HIPK2: variants seen among roughly 807,000 people sequenced by gnomAD.
The protein encoded by HIPK2 is homeodomain interacting protein kinase 2, also known as homeodomain-interacting protein kinase 2.
HIPK2 carries 27 observed loss-of-function variants against 113.7 expected under a neutral mutation model. That is an observed-to-expected ratio of 0.24 (90% confidence interval 0.17 to 0.33). The LOEUF is 0.33. Among genes scored for constraint, HIPK2 ranks in the 10% least tolerant of loss-of-function variants. The pLI is 1.00. For missense variants in HIPK2, 1,257 were observed against 1,588.0 expected (o/e 0.79, Z 3.54); for synonymous variants, 631 against 642.2 (o/e 0.98, Z 0.26).
chr7:139,609,502 A>G (rs1799739775), intron 9 of HIPK2, among the ~76,000 whole-genome samples: 3 of 152,242 alleles, frequency 2.0e-5, no homozygotes, highest in Admixed American at 2.0e-4. Context: ...CAGTATTTAG[A>G]GAAAAAGAAC....
chr7:139,732,089 T>G (rs1274087315), intron 1 of HIPK2, among the ~76,000 whole-genome samples: 1 of 152,208 alleles, frequency 6.6e-6, no homozygotes, highest in African/African-American at 2.4e-5. Context: ...GAAATTATAT[T>G]GGAGCACACT....
In HIPK2 at chr7:139,567,519, T is replaced by A. The variant is rs1335200000; in HGVS notation, c.*5408A>T. 1 of 152,118 alleles carries A rather than the reference T, an allele frequency of 6.6e-6. No individual in the cohort carries two copies. The highest frequency in any genetic ancestry group is 1.5e-5 in the Non-Finnish European group (1 of 68,028). 9.4% of individuals were successfully genotyped at this position (152,118 alleles called of 1,614,324 possible). The stretch of plus-strand genomic sequence containing the variant: ...GCCATTTTGTCCATTTCTGGAGGCG[T>A]CTTTGAGAAGGGTTCTTTGGCTAAA... On this transcript the variant is annotated 3_prime_UTR_variant, in exon 15 of 15. Coordinates refer to ENST00000406875, the MANE Select transcript of HIPK2 (RefSeq NM_022740.5).
Position 139,713,390 on chromosome 7 carries a change from C to A in HIPK2, c.1103+2542G>T, listed in dbSNP as rs149845109. Among the ~76,000 whole-genome samples the A allele has an allele frequency of 1.2e-3, 184 of 152,226 alleles. 1 individual carries two copies. The highest frequency in any genetic ancestry group is 4.2e-3 in the African/African-American group (175 of 41,530). ...CCGATTTTGCGACCTGTCTCCTCAG[C>A]ACTAGGGGCACCAGCACCAGGCAGG... On this transcript the variant is annotated intron_variant, in intron 2 of 14. Transcript: ENST00000406875.
Position 139,710,488 on chromosome 7 carries a change from T to C in HIPK2, c.1103+5444A>G, listed in dbSNP as rs145380749. Among the ~76,000 whole-genome samples, 459 of 152,344 alleles carry C rather than the reference T, an allele frequency of 3.0e-3. 2 individuals carry two copies. Among genetic ancestry groups the C allele is most frequent in the African/African-American group, 0.01 (435 of 41,580 alleles). On this transcript the variant is annotated intron_variant, in intron 2 of 14. Transcript: ENST00000406875. Reference sequence around the variant, plus strand: ...AGGTAGGTTCACAATAAATCTCTGTTGAATGACCAAACATTTAAAATATTG... The same window carrying C: ...AGGTAGGTTCACAATAAATCTCTGTCGAATGACCAAACATTTAAAATATTG...
intron 2 of HIPK2, among the ~76,000 whole-genome samples, chr7:139,699,084 T>C (rs1382295512): frequency 1.3e-5 from 2 of 151,882 alleles, no homozygotes; most frequent in African/African-American, 4.8e-5. Context: ...ACAACCTGCT[T>C]GACTGAGGGC....
In HIPK2 at chr7:139,564,207, C is replaced by A. The variant is rs946779669; in HGVS notation, c.*8720G>T. The A allele has an allele frequency of 2.9e-6, 1 of 348,460 alleles. No homozygotes were observed. The highest frequency in any genetic ancestry group is 5.1e-6 in the Non-Finnish European group (1 of 195,510). 21.6% of individuals were successfully genotyped at this position (348,460 alleles called of 1,614,324 possible). On this transcript the variant is annotated 3_prime_UTR_variant, in exon 15 of 15. Transcript: ENST00000406875. Reference sequence around the variant, plus strand: ...ATTGATTTTGCTTTTAAGGGGAAAACGAATAAATGACAGCAGATATATGGA... The same window carrying A: ...ATTGATTTTGCTTTTAAGGGGAAAAAGAATAAATGACAGCAGATATATGGA...
intron 1 of HIPK2, among the ~76,000 whole-genome samples, chr7:139,763,467 AACACGCCCCCCCCCCC>A (rs894084281): frequency 3.7e-4 from 48 of 129,544 alleles, no homozygotes; most frequent in Non-Finnish European, 9.6e-5. Context: ...ATTTTGCCGG[AACACGCCCCCCCCCCC>A]ACACGCCCCT....
In HIPK2 at chr7:139,613,075, T is replaced by C; in HGVS notation, c.2112+127A>G. ...TGGGGACCATTTAGAATATTACAGA[T>C]ACATTCCAATGACTAGAAGCACCTA... On this transcript the variant is annotated intron_variant, in intron 9 of 14. Transcript: ENST00000406875. This position sits in a 1 kb window ranked among gnomAD's most constrained non-coding sequence, Gnocchi z 4.2. 8.9e-7 allele frequency: 1 copy of C among 1,126,546 alleles called. No homozygotes were observed. Among genetic ancestry groups the C allele is most frequent in the Non-Finnish European group, 1.2e-6 (1 of 802,466 alleles). 69.8% of individuals were successfully genotyped at this position (1,126,546 alleles called of 1,614,324 possible).
In HIPK2 at chr7:139,716,870, C is replaced by T. The variant is rs779868854; in HGVS notation, c.165G>A (p.Lys55=). ...TGGCTGGCTGCGACAGGGGGATGTTCTTGCTCTGGCTATACACTTTGCTGT... is the reference window on the plus strand; with the variant it reads ...TGGCTGGCTGCGACAGGGGGATGTTTTTGCTCTGGCTATACACTTTGCTGT... ...GSHSKVYSQS[K]NIPLSQPATT... is the part of the protein sequence containing the mutation. The change falls in exon 2 of 15, where the codon AAG becomes AAA. Residue 55 remains lysine (K), a synonymous_variant. Coordinates refer to ENST00000406875, the MANE Select transcript of HIPK2 (RefSeq NM_022740.5). The surrounding 1 kb of genome is among the most constrained non-coding windows in gnomAD (Gnocchi z 9.3). 1.2e-6 allele frequency: 2 copies of T among 1,613,850 alleles called. No individual in the cohort carries two copies. The highest frequency in any genetic ancestry group is 1.7e-5 in the Admixed American group (1 of 60,002).
rs1798002712 is a variant in HIPK2, at chr7:139,563,410, G to C, written c.*9517C>G. On this transcript the variant is annotated 3_prime_UTR_variant, in exon 15 of 15. Coordinates refer to ENST00000406875, the MANE Select transcript of HIPK2 (RefSeq NM_022740.5). ...CAGTGGTGACAGCAGGGTGGAGGCAGAGGTGGCCCCGGGGACAGTGACCCT... is the reference window on the plus strand; with the variant it reads ...CAGTGGTGACAGCAGGGTGGAGGCACAGGTGGCCCCGGGGACAGTGACCCT... 1 of 153,666 alleles carries C rather than the reference G, an allele frequency of 6.5e-6. No individual in the cohort carries two copies. Among genetic ancestry groups the C allele is most frequent in the African/African-American group, 2.4e-5 (1 of 41,468 alleles). The allele number at this position is 153,666 out of a possible 1,614,324, so 9.5% of individuals were successfully genotyped here. A position where few individuals can be genotyped will look rare whatever the true frequency, so the allele number is the denominator to read the frequency against.
intron 2 of HIPK2, among the ~76,000 whole-genome samples, chr7:139,668,452 C>T (rs1802136496): frequency 6.6e-6 from 1 of 151,594 alleles, no homozygotes; most frequent in South Asian, 2.1e-4. Flanking sequence ...GTTCCAGCTA[C>T]TCGGGAGGCT....
chr7:139,613,114 G>T lies in HIPK2; in HGVS notation c.2112+88C>A. 1 of 1,494,562 alleles carries T rather than the reference G, an allele frequency of 6.7e-7. No individual in the cohort carries two copies. Among genetic ancestry groups the T allele is most frequent in the South Asian group, 1.2e-5 (1 of 81,374 alleles). The allele number at this position is 1,494,562 out of a possible 1,614,324, so 92.6% of individuals were successfully genotyped here. ...TAGAAGCACCTAACTCATTACTAGG[G>T]AGAGAGGGAGTGGAGATATATATCT... On this transcript the variant is annotated intron_variant, in intron 9 of 14. Transcript: ENST00000406875. This position sits in a 1 kb window ranked among gnomAD's most constrained non-coding sequence, Gnocchi z 4.2.
chr7:139,725,241 G>T (rs1202569254), intron 1 of HIPK2, among the ~76,000 whole-genome samples: 1 of 152,202 alleles, frequency 6.6e-6, no homozygotes, highest in Non-Finnish European at 1.5e-5. Flanking sequence ...AACACTAGAA[G>T]TTTAGAGGCA....
intron 2 of HIPK2, among the ~76,000 whole-genome samples, chr7:139,687,490 T>G (rs1407395709): frequency 1.3e-5 from 2 of 152,230 alleles, no homozygotes; most frequent in Non-Finnish European, 1.5e-5. Flanking sequence ...GTGGTTGGGA[T>G]ATAGAATACA....
At chr7:139,643,832 G>A (rs762690781) in intron 2 of HIPK2, among the ~76,000 whole-genome samples, 4 of 152,228 alleles carry the variant, frequency 2.6e-5, no homozygotes, top group Non-Finnish European at 4.4e-5. Context: ...ACGCTGCCCT[G>A]TAATTCCTGA....
In HIPK2 at chr7:139,573,451, G is replaced by A; in HGVS notation, c.3127-54C>T. The A allele has an allele frequency of 3.9e-6, 6 of 1,536,244 alleles. No individual in the cohort carries two copies. In the South Asian group the frequency reaches 6.8e-5, roughly 17 times the overall value. ...TCAGGGGCCGACACATGGGGAGGAA[G>A]GAATGGGAGGAGGGGCAGGAGGGCA... On this transcript the variant is annotated intron_variant, in intron 14 of 14. Transcript: ENST00000406875.
At chr7:139,663,234 CT>C (rs1394456724) in intron 2 of HIPK2, among the ~76,000 whole-genome samples, 3 of 152,230 alleles carry the variant, frequency 2.0e-5, no homozygotes, top group Non-Finnish European at 4.4e-5. Flanking sequence ...CCTTCACCTT[CT>C]TTATACGACA....
intron 10 of HIPK2, among the ~76,000 whole-genome samples, chr7:139,600,931 CCTGAACAATAT>C: frequency 6.6e-6 from 1 of 152,118 alleles, no homozygotes; most frequent in African/African-American, 2.4e-5. Context: ...AGGTGTTTAT[CCTGAACAATAT>C]TCTATTTTAG....
Position 139,665,031 on chromosome 7 carries a change from T to TTCTCTC in HIPK2, c.1104-33312_1104-33307dup, listed in dbSNP as rs201864754. Among the ~76,000 whole-genome samples, 27 of 118,328 alleles carry TTCTCTC rather than the reference T, an allele frequency of 2.3e-4. 1 individual carries two copies. The highest frequency in any genetic ancestry group is 2.8e-4 in the African/African-American group (9 of 32,672). The allele number at this position is 118,328 out of a possible 152,430, so 77.6% of individuals were successfully genotyped here. ...CTCTTTCCTTGGTTACCCTTCTTCT[T>TTCTCTC]TCTCTCTCTTTTTTTTTTTTTTTTT... On this transcript the variant is annotated intron_variant, in intron 2 of 14. Transcript: ENST00000406875.
Sources: allele counts gnomAD v4.1 joint callset (sites outside exome capture counted in the v4.1 genomes callset), GRCh38; gene constraint gnomAD v4.1.1; non-coding constraint Gnocchi (gnomAD v3.1); transcripts MANE v1.5; gene names NCBI Gene and HGNC (gene_info 2026-07-23, HGNC 2026-07-21).